The following NME7 variants were observed in gnomAD, a reference collection of about 807,000 sequenced individuals.
The protein encoded by NME7 is NME/NM23 family member 7, also known as nucleoside diphosphate kinase 7.
NME7 carries 41 observed loss-of-function variants against 49.1 expected under a neutral mutation model. The ratio of observed to expected loss-of-function variants is 0.83; its 90% CI spans 0.65 to 1.08. The LOEUF is 1.08. Among genes scored for constraint, NME7 ranks in the 50% least tolerant of loss-of-function variants. NME7 has a pLI of 0.00. For synonymous variants in NME7, 139 were observed against 150.6 expected (o/e 0.92, Z 0.56); for missense variants, 423 against 463.4 (o/e 0.91, Z 0.80).
intron 10 of NME7, among the ~76,000 whole-genome samples, chr1:169,199,450 TTTA>T (rs150975177): frequency 0.45 from 49,606 of 110,382 alleles, 8,931 homozygotes; most frequent in Non-Finnish European, 0.48. Flanking sequence ...CAGGGTCTTT[TTTA>T]TTATTATTAT....
At chr1:169,193,241 A>T (rs763309387) in intron 10 of NME7, among the ~76,000 whole-genome samples, 2 of 152,190 alleles carry the variant, frequency 1.3e-5, no homozygotes, top group Non-Finnish European at 2.9e-5. Flanking sequence ...ACAAAAATCA[A>T]CATACAAAGG....
intron 1 of NME7, among the ~76,000 whole-genome samples, chr1:169,352,642 T>C (rs1653220310): frequency 6.6e-6 from 1 of 152,082 alleles, no homozygotes; most frequent in African/African-American, 2.4e-5. Context: ...TGTTTGCAGA[T>C]GATATGAGCT....
At chr1:169,188,182 T>C (rs1039810922) in intron 10 of NME7, among the ~76,000 whole-genome samples, 3 of 152,180 alleles carry the variant, frequency 2.0e-5, no homozygotes, top group African/African-American at 7.2e-5. Flanking sequence ...CCTTAAGGTA[T>C]ATTTTGTACG....
intron 8 of NME7, 86 bp downstream of exon 8, chr1:169,237,537 C>A: frequency 1.0e-6 from 1 of 964,384 alleles, no homozygotes; most frequent in South Asian, 1.4e-5. Context: ...TTCATGAGTA[C>A]ACAGGGAACA....
chr1:169,294,676 C>T (rs1053540534), intron 6 of NME7, among the ~76,000 whole-genome samples: 1 of 152,000 alleles, frequency 6.6e-6, no homozygotes, highest in Non-Finnish European at 1.5e-5. Flanking sequence ...CTCACTCTTC[C>T]CCAGACAAGG....
intron 7 of NME7, among the ~76,000 whole-genome samples, chr1:169,262,709 G>A (rs1649202466): frequency 7.5e-6 from 1 of 133,278 alleles, no homozygotes; most frequent in Admixed American, 7.3e-5. Flanking sequence ...GCCCCCAGGG[G>A]GACTCACCCT....
At chr1:169,314,473 A>G (rs759539469) in intron 3 of NME7, among the ~76,000 whole-genome samples, 22 of 152,158 alleles carry the variant, frequency 1.4e-4, no homozygotes, top group African/African-American at 2.2e-4. Context: ...AAAATCCTCA[A>G]GCAATCCGAA....
intron 4 of NME7, among the ~76,000 whole-genome samples, chr1:169,304,697 A>G (rs1269153406): frequency 6.6e-6 from 1 of 152,242 alleles, no homozygotes. Context: ...AATAAAGTTC[A>G]GCATGGTTAC....
intron 11 of NME7, among the ~76,000 whole-genome samples, chr1:169,141,492 C>T (rs1335768047): frequency 1.3e-5 from 2 of 152,240 alleles, no homozygotes; most frequent in East Asian, 3.9e-4. Flanking sequence ...GGAGTATGTC[C>T]TCGTCATTCC....
chr1:169,229,547 T>C (rs1297594540), intron 10 of NME7, among the ~76,000 whole-genome samples: 1 of 152,236 alleles, frequency 6.6e-6, no homozygotes, highest in Non-Finnish European at 1.5e-5. Flanking sequence ...TTTATGTATA[T>C]ACTTTTAGAT....
Position 169,323,189 on chromosome 1 carries a change from A to C in NME7, c.206T>G (p.Phe69Cys). 1 of 1,608,354 alleles carries C rather than the reference A, an allele frequency of 6.2e-7. No individual in the cohort carries two copies. The highest frequency in any genetic ancestry group is 8.5e-7 in the Non-Finnish European group (1 of 1,177,500). Residue 69 changes from phenylalanine to cysteine, a missense_variant, in exon 3 of 12, where the codon TTT becomes TGT. Coordinates refer to ENST00000367811, the MANE Select transcript of NME7 (RefSeq NM_013330.5). ...DLFIGNKVNVFSRQLVLIDYG... is the reference protein window; with the variant it reads ...DLFIGNKVNVCSRQLVLIDYG... ...GTCAATTAATACCAGTTGTCGAGAA[A>C]AGACATTCACTTTGTTGCCTATAAA...
intron 11 of NME7, among the ~76,000 whole-genome samples, chr1:169,160,778 G>C (rs1659219319): frequency 6.6e-6 from 1 of 152,092 alleles, no homozygotes; most frequent in South Asian, 2.1e-4. Flanking sequence ...GATAAAGATG[G>C]TACTATCACG....
intron 7 of NME7, among the ~76,000 whole-genome samples, chr1:169,275,383 G>A (rs538897445): frequency 8.0e-6 from 1 of 125,302 alleles, no homozygotes; most frequent in East Asian, 2.1e-4. Context: ...GGAGGCTGAG[G>A]CAGGAGAATG....
rs546434536 is a variant in NME7, at chr1:169,145,220, G to A, written c.1099-12403C>T. On this transcript the variant is annotated intron_variant, in intron 11 of 11. Transcript: ENST00000367811. ...ATTATTTTTGCTGTTTTCAACTTGC[G>A]GTTTTTATTCATTTACTCAACAGAT... Among the ~76,000 whole-genome samples, 13 of 152,148 alleles carry A rather than the reference G, an allele frequency of 8.5e-5. No individual in the cohort carries two copies. In the East Asian group the frequency reaches 1.5e-3, roughly 18 times the overall value.
At chr1:169,332,982 A>G (rs910962453) in intron 1 of NME7, among the ~76,000 whole-genome samples, 2 of 152,226 alleles carry the variant, frequency 1.3e-5, no homozygotes, top group African/African-American at 4.8e-5. Flanking sequence ...AAAGGGAATC[A>G]GTATATTGAA....
At chr1:169,292,791 AG>A (rs1255443280) in intron 6 of NME7, among the ~76,000 whole-genome samples, 8 of 152,210 alleles carry the variant, frequency 5.3e-5, no homozygotes, top group Non-Finnish European at 1.2e-4. Context: ...AGTATATTCC[AG>A]GACTCTTGCA....
chr1:169,311,120 T>A (rs1015530587), intron 3 of NME7, among the ~76,000 whole-genome samples: 2 of 151,984 alleles, frequency 1.3e-5, no homozygotes, highest in East Asian at 3.9e-4. Context: ...TAGCTCAGGA[T>A]AAAATTCAAA....
chr1:169,309,117 T>C (rs930725369), intron 4 of NME7, among the ~76,000 whole-genome samples: 2 of 152,186 alleles, frequency 1.3e-5, no homozygotes, highest in African/African-American at 4.8e-5. Flanking sequence ...ACAATAATAA[T>C]TAAATGAGGC....
chr1:169,229,960 TAA>T (rs1021022044), intron 10 of NME7, among the ~76,000 whole-genome samples: 2 of 139,188 alleles, frequency 1.4e-5, no homozygotes, highest in Non-Finnish European at 1.6e-5. Flanking sequence ...AGACTCCATC[TAA>T]AAAAAAAAAA....
Sources: allele counts gnomAD v4.1 joint callset (sites outside exome capture counted in the v4.1 genomes callset), GRCh38; gene constraint gnomAD v4.1.1; transcripts MANE v1.5; gene names NCBI Gene and HGNC (gene_info 2026-07-23, HGNC 2026-07-21).